The following CERS6 variants were observed in gnomAD, a reference collection of about 807,000 sequenced individuals.
CERS6 encodes the protein LAG1 homolog, ceramide synthase 6.
In CERS6, 26 loss-of-function variants were observed where a neutral mutation model predicts 56.8. The ratio of observed to expected loss-of-function variants is 0.46; its 90% CI spans 0.34 to 0.63. The LOEUF (loss-of-function observed/expected upper bound fraction) is 0.63. Ranked by LOEUF, CERS6 falls within the 30% of genes least tolerant of loss-of-function variation. The pLI is 0.01. For synonymous variants in CERS6, 164 were observed against 173.3 expected (o/e 0.95, Z 0.42); for missense variants, 415 against 467.5 (o/e 0.89, Z 1.04).
chr2:168,600,835 C>T (rs996048293), intron 3 of CERS6, among the ~76,000 whole-genome samples: 18 of 152,304 alleles, frequency 1.2e-4, no homozygotes, highest in African/African-American at 4.3e-4. Flanking sequence ...TCTAATAGTG[C>T]CTTGGTAATG....
At position 168,772,278 on chromosome 2, in the gene CERS6, G is replaced by C. The variant is rs1684883421; in HGVS notation, c.*2616G>C. On this transcript the variant is annotated 3_prime_UTR_variant, in exon 10 of 10. Transcript: ENST00000305747. ...TTCCCAGAGTACAAAGGGGTATGTA[G>C]AAAGGATTCCAGAAGAAGTAATACT... is the stretch of plus-strand genomic sequence containing the variant. 1 of 152,546 alleles carries C rather than the reference G, an allele frequency of 6.6e-6. No individual in the cohort carries two copies. Among genetic ancestry groups the C allele is most frequent in the Non-Finnish European group, 1.5e-5 (1 of 68,038 alleles). The allele number at this position is 152,546 out of a possible 1,614,324, so 9.4% of individuals were successfully genotyped here.
At chr2:168,554,349 G>A (rs575352317) in intron 2 of CERS6, among the ~76,000 whole-genome samples, 35 of 152,286 alleles carry the variant, frequency 2.3e-4, no homozygotes, top group African/African-American at 8.4e-4. Context: ...ATACATTGAA[G>A]TCTTGATCCC....
intron 4 of CERS6, among the ~76,000 whole-genome samples, chr2:168,659,490 T>C (rs1377453422): frequency 6.6e-6 from 1 of 152,196 alleles, no homozygotes; most frequent in Non-Finnish European, 1.5e-5. Context: ...ATCAGATTAC[T>C]TTTTTATTTT....
At chr2:168,688,567 C>T (rs1297104648) in intron 4 of CERS6, among the ~76,000 whole-genome samples, 1 of 152,152 alleles carries the variant, frequency 6.6e-6, no homozygotes, top group Non-Finnish European at 1.5e-5. Flanking sequence ...CACTGTCTCA[C>T]AGTGTTTGGG....
intron 3 of CERS6, among the ~76,000 whole-genome samples, chr2:168,594,535 T>G (rs1435483682): frequency 1.3e-5 from 2 of 152,036 alleles, no homozygotes; most frequent in African/African-American, 2.4e-5. Flanking sequence ...TGGTGAGCTG[T>G]GATCATGCCA....
chr2:168,756,412 A>T (rs1204176265), intron 8 of CERS6, among the ~76,000 whole-genome samples: 1 of 152,234 alleles, frequency 6.6e-6, no homozygotes, highest in Admixed American at 6.5e-5. Context: ...TGTGTCTTGA[A>T]TATTTTGTGT....
chr2:168,604,342 G>C lies in CERS6; in HGVS notation c.408-26643G>C, dbSNP rs552958683. On this transcript the variant is annotated intron_variant, in intron 3 of 9. Coordinates refer to ENST00000305747, the MANE Select transcript of CERS6 (RefSeq NM_203463.3). Reference sequence around the variant, plus strand: ...AAGTGTGTTCAAAAATATTTGTAGGGTAGGGTATGTGTGTGACAGAGACAG... The same window carrying C: ...AAGTGTGTTCAAAAATATTTGTAGGCTAGGGTATGTGTGTGACAGAGACAG... 2.0e-5 allele frequency among the ~76,000 whole-genome samples: 3 copies of C among 152,060 alleles called. No individual in the cohort carries two copies. The East Asian group carries it at 5.8e-4, about 29-fold the overall frequency.
intron 1 of CERS6, among the ~76,000 whole-genome samples, chr2:168,522,393 A>G (rs1012598438): frequency 1.9e-4 from 29 of 152,238 alleles, no homozygotes; most frequent in African/African-American, 6.8e-4. Context: ...AATGCTGAAC[A>G]TTAAAAATTT....
intron 4 of CERS6, among the ~76,000 whole-genome samples, chr2:168,647,798 T>C (rs1222590459): frequency 6.6e-6 from 1 of 152,242 alleles, no homozygotes; most frequent in Non-Finnish European, 1.5e-5. Flanking sequence ...GTTCTGTTTA[T>C]GTGATGGATC....
chr2:168,615,428 C>T (rs1032623707), intron 3 of CERS6, among the ~76,000 whole-genome samples: 5 of 150,672 alleles, frequency 3.3e-5, no homozygotes, highest in African/African-American at 1.2e-4. Context: ...CAAGGAGGCA[C>T]CAGAGAAAGG....
At chr2:168,704,478 C>G (rs569276517) in intron 6 of CERS6, among the ~76,000 whole-genome samples, 7 of 152,214 alleles carry the variant, frequency 4.6e-5, no homozygotes, top group African/African-American at 1.7e-4. Context: ...TGTCTCTCTC[C>G]CTGAAGTCGT....
intron 4 of CERS6, among the ~76,000 whole-genome samples, chr2:168,635,946 AT>A (rs1226418987): frequency 2.6e-5 from 4 of 151,824 alleles, no homozygotes; most frequent in Non-Finnish European, 4.4e-5. Context: ...CAAGATTGTA[AT>A]TTTTTTTGCC....
In CERS6 at chr2:168,670,979, C is replaced by G. The variant is rs60261982; in HGVS notation, c.466-20055C>G. Among the ~76,000 whole-genome samples the G allele has an allele frequency of 1.3e-3, 110 of 83,220 alleles. 2 individuals are homozygous for G. The highest frequency in any genetic ancestry group is 3.3e-3 in the African/African-American group (99 of 30,148). The allele number at this position is 83,220 out of a possible 152,430, so 54.6% of individuals were successfully genotyped here. On this transcript the variant is annotated intron_variant, in intron 4 of 9. Transcript: ENST00000305747. The stretch of plus-strand genomic sequence containing the variant: ...TGGATACATGCTTCCCCCCCCCCCC[C>G]CAGACGGAAGCTTGCTCTGTTGCCA...
chr2:168,666,838 A>G (rs1251299127), intron 4 of CERS6, among the ~76,000 whole-genome samples: 1 of 152,210 alleles, frequency 6.6e-6, no homozygotes, highest in Non-Finnish European at 1.5e-5. Flanking sequence ...TGCTGTGTAT[A>G]AAAGGCCTGA....
intron 7 of CERS6, among the ~76,000 whole-genome samples, chr2:168,716,470 G>GA (rs1047226532): frequency 4.0e-5 from 6 of 151,098 alleles, no homozygotes; most frequent in African/African-American, 1.2e-4. Context: ...CTTGTATCCA[G>GA]AAAAAAAAAT....
chr2:168,754,764 T>C (rs757379303), intron 8 of CERS6, among the ~76,000 whole-genome samples: 2 of 152,208 alleles, frequency 1.3e-5, no homozygotes, highest in African/African-American at 2.4e-5. Flanking sequence ...ATACATTCTC[T>C]GTTTGTTTTT....
intron 1 of CERS6, among the ~76,000 whole-genome samples, chr2:168,482,825 G>A (rs1484276834): frequency 1.3e-5 from 2 of 152,214 alleles, no homozygotes; most frequent in Non-Finnish European, 2.9e-5. Flanking sequence ...ATCTTTGTAA[G>A]AGCTCATCTC....
At chr2:168,537,840 A>G (rs1695293055) in intron 1 of CERS6, among the ~76,000 whole-genome samples, 1 of 152,176 alleles carries the variant, frequency 6.6e-6, no homozygotes, top group Non-Finnish European at 1.5e-5. Flanking sequence ...ATCTCCATTT[A>G]TAAGCCTAGT....
rs555690136 is a variant in CERS6 at position 168,523,190 on chromosome 2, T to G, written c.171-24406T>G. 2.0e-5 allele frequency among the ~76,000 whole-genome samples: 3 copies of G among 152,328 alleles called. No individual in the cohort carries two copies. The South Asian group carries it at 6.2e-4, about 32-fold the overall frequency. ...CTCTGCTCTACCATTTTGGGTTTTGTCCTTAAGCTTGTCACCTCTTGATCC... is the reference window on the plus strand; with the variant it reads ...CTCTGCTCTACCATTTTGGGTTTTGGCCTTAAGCTTGTCACCTCTTGATCC... On this transcript the variant is annotated intron_variant, in intron 1 of 9. Coordinates refer to ENST00000305747, the MANE Select transcript of CERS6 (RefSeq NM_203463.3).
Sources: allele counts gnomAD v4.1 joint callset (sites outside exome capture counted in the v4.1 genomes callset), GRCh38; gene constraint gnomAD v4.1.1; transcripts MANE v1.5; gene names NCBI Gene and HGNC (gene_info 2026-07-23, HGNC 2026-07-21).